Variants in CPSF3 observed in about 807,000 individuals in gnomAD.
CPSF3 encodes cleavage and polyadenylation specific factor 3, also known as cleavage and polyadenylation specificity factor subunit 3.
A neutral mutation model predicts 84.1 loss-of-function variants in CPSF3; 57 were observed. The observed-to-expected ratio is 0.68, with a 90% CI of 0.55 to 0.85. The LOEUF (loss-of-function observed/expected upper bound fraction) is 0.85, where lower values mean the gene tolerates loss of function less well. CPSF3 is among the 40% of genes least tolerant of loss of function. The pLI is 0.00. For synonymous variants in CPSF3, 275 were observed against 278.1 expected (o/e 0.99, Z 0.11); for missense variants, 522 against 838.8 (o/e 0.62, Z 4.66).
chr2:9,432,729 G>C, intron 5 of CPSF3, 41 bp downstream of exon 5: 1 of 1,427,058 alleles, frequency 7.0e-7, no homozygotes, highest in Middle Eastern at 2.0e-4. Context: ...AGAGAAATCA[G>C]TACAGAGCTT....
chr2:9,444,158 A>ATTT lies in CPSF3; in HGVS notation c.1242+509_1242+511dup, dbSNP rs869193869. 2.3e-3 allele frequency among the ~76,000 whole-genome samples: 281 copies of ATTT among 123,158 alleles called. 3 individuals are homozygous for ATTT. Among genetic ancestry groups the ATTT allele is most frequent in the African/African-American group, 0.01 (271 of 26,422 alleles). 80.8% of individuals were successfully genotyped at this position (123,158 alleles called of 152,430 possible). A position where few individuals can be genotyped will look rare whatever the true frequency, so the allele number is the denominator to read the frequency against. The stretch of plus-strand genomic sequence containing the variant: ...ATATATATTATATATATATATATAT[A>ATTT]TTTTTTTTTTTTTTGAGGCGGAGTC... On this transcript the variant is annotated intron_variant, in intron 10 of 17. Coordinates refer to ENST00000238112, the MANE Select transcript of CPSF3 (RefSeq NM_016207.4).
At position 9,466,394 on chromosome 2, in the gene CPSF3, A is replaced by G. The variant is rs541583214; in HGVS notation, c.1787-1313A>G. ...CACCCACGCACTCGCACACACGCGC[A>G]CACACACGCACGCGCACACACGCAC... On this transcript the variant is annotated intron_variant, in intron 15 of 17. Coordinates refer to ENST00000238112, the MANE Select transcript of CPSF3 (RefSeq NM_016207.4). 9.7e-3 allele frequency among the ~76,000 whole-genome samples: 1,413 copies of G among 145,680 alleles called. 11 individuals are homozygous for G. The highest frequency in any genetic ancestry group is 0.044 in the Middle Eastern group (12 of 274).
rs1488462263 is a variant in CPSF3, at chr2:9,440,543, A to C, written c.813A>C (p.Ala271=). The part of the protein sequence containing the change: ...PELHDIPIYY[A]SSLAKKCMAV... ...TACATGACATTCCAATATACTATGC[A>C]TCATCTTTGGCCAAGAAGTGTATGG... Residue 271 remains alanine (A), a synonymous_variant, in exon 8 of 18, where the codon GCA becomes GCC. Coordinates refer to ENST00000238112, the MANE Select transcript of CPSF3 (RefSeq NM_016207.4). 6.2e-7 allele frequency: 1 copy of C among 1,614,212 alleles called. No individual in the cohort carries two copies. Among genetic ancestry groups the C allele is most frequent in the Non-Finnish European group, 8.5e-7 (1 of 1,180,042 alleles).
chr2:9,443,589 C>T lies in CPSF3; in HGVS notation c.1170C>T (p.Tyr390=). The T allele has an allele frequency of 6.2e-7, 1 of 1,614,140 alleles. No individual in the cohort carries two copies. Among genetic ancestry groups the T allele is most frequent in the Non-Finnish European group, 8.5e-7 (1 of 1,179,982 alleles). Reference sequence around the variant, plus strand: ...TACCACTGAAAATGTCTGTTGATTACATTTCTTTCTCAGCTCACACGGATT... The same window carrying T: ...TACCACTGAAAATGTCTGTTGATTATATTTCTTTCTCAGCTCACACGGATT... ...QKLPLKMSVD[Y]ISFSAHTDYQ... is the part of the protein sequence containing the mutation. Residue 390 remains tyrosine (Y), a synonymous_variant, in exon 10 of 18, where the codon TAC becomes TAT. Coordinates refer to ENST00000238112, the MANE Select transcript of CPSF3 (RefSeq NM_016207.4).
Position 9,429,340 on chromosome 2 carries a change from T to C in CPSF3, c.114+512T>C, listed in dbSNP as rs984272191. 2.4e-4 allele frequency among the ~76,000 whole-genome samples: 36 copies of C among 152,364 alleles called. 1 individual carries two copies. Among genetic ancestry groups the C allele is most frequent in the African/African-American group, 6.7e-4 (28 of 41,582 alleles). On this transcript the variant is annotated intron_variant, in intron 2 of 17. Transcript: ENST00000238112. ...CTCATTAGAAAGTCAGTTCTGTGTC[T>C]CAGATTCCTTTGATTCCTCTTTCTT...
Position 9,453,011 on chromosome 2 carries a change from C to A in CPSF3, c.1494C>A (p.Cys498Ter). 6.3e-7 allele frequency: 1 copy of A among 1,593,652 alleles called. No individual in the cohort carries two copies. ...RNFNYHILSP[C>*]DLSNYTDLAM... ...TTAATTATCACATACTTTCTCCTTG[C>A]GACCTGTCCAGTAAGTATACTATTA... The change falls in exon 12 of 18, where the codon TGC (cysteine) becomes TGA (stop). Residue 498 changes from cysteine to a stop codon, truncating the protein, a stop_gained. Transcript: ENST00000238112. LOFTEE classifies it high-confidence loss of function.
chr2:9,431,739 C>T (rs745543695), intron 4 of CPSF3, among the ~76,000 whole-genome samples: 23 of 151,298 alleles, frequency 1.5e-4, no homozygotes, highest in African/African-American at 9.7e-5. Context: ...TTAGTAGAGA[C>T]GGGGTTTTAC....
At position 9,432,746 on chromosome 2, in the gene CPSF3, A is replaced by G. The variant is rs906334208; in HGVS notation, c.519+58A>G. ...AGAAATCAGTACAGAGCTTTGTGCC[A>G]CCAAGTACTATTAAAAAAAAAAATT... On this transcript the variant is annotated intron_variant, in intron 5 of 17. Coordinates refer to ENST00000238112, the MANE Select transcript of CPSF3 (RefSeq NM_016207.4). 53 of 1,340,392 alleles carry G rather than the reference A, an allele frequency of 4.0e-5. No individual in the cohort carries two copies. The African/African-American group carries it at 6.9e-4, about 18-fold the overall frequency. 83.0% of individuals were successfully genotyped at this position (1,340,392 alleles called of 1,614,324 possible).
intron 15 of CPSF3, among the ~76,000 whole-genome samples, chr2:9,463,161 A>G (rs1181434395): frequency 3.9e-5 from 6 of 152,222 alleles, no homozygotes; most frequent in Non-Finnish European, 8.8e-5. Flanking sequence ...GGCAGATCCC[A>G]TAGGGTCTTG....
chr2:9,431,821 G>A (rs1049020465), intron 4 of CPSF3, among the ~76,000 whole-genome samples: 3 of 152,046 alleles, frequency 2.0e-5, no homozygotes, highest in Admixed American at 6.6e-5. Flanking sequence ...AGAGTGCTGG[G>A]ATTACAGGGT....
rs1284747586 is a variant in CPSF3 at position 9,439,900 on chromosome 2, A to G, written c.761-591A>G. 2.6e-5 allele frequency among the ~76,000 whole-genome samples: 4 copies of G among 152,114 alleles called. No individual in the cohort carries two copies. In the East Asian group the frequency reaches 7.7e-4, roughly 29 times the overall value. On this transcript the variant is annotated intron_variant, in intron 7 of 17. Transcript: ENST00000238112. ...AGGCTGAGGTGGAAGGATCACTTGA[A>G]CCTGAGAGGTTGAGGCTGCCATGAG...
At position 9,457,017 on chromosome 2, in the gene CPSF3, T is replaced by C. The variant is rs1371257236; in HGVS notation, c.1688T>C (p.Val563Ala). The C allele has an allele frequency of 6.3e-7, 1 of 1,586,474 alleles. No homozygotes were observed. Among genetic ancestry groups the C allele is most frequent in the Admixed American group, 1.8e-5 (1 of 57,082 alleles). ...ACTGTAATACAAGAACCAGGCATGG[T>C]GGTATTAGAAGTAAGAAAAGATCAT... The part of the protein sequence containing the change: ...NITVIQEPGM[V>A]VLEWLANPSN... Residue 563 changes from valine to alanine, a missense_variant, in exon 14 of 18, where the codon GTG becomes GCG. Coordinates refer to ENST00000238112, the MANE Select transcript of CPSF3 (RefSeq NM_016207.4).
intron 15 of CPSF3, among the ~76,000 whole-genome samples, chr2:9,461,289 G>T (rs146320477): frequency 3.3e-5 from 5 of 152,166 alleles, no homozygotes; most frequent in African/African-American, 9.7e-5. Context: ...GAAGAATGCC[G>T]CAAGATTCTT....
At chr2:9,448,067 A>ACT in intron 10 of CPSF3, 131 bp from the exon 11 acceptor site, 1 of 503,524 alleles carries the variant, frequency 2.0e-6, no homozygotes, top group Non-Finnish European at 3.4e-6. Flanking sequence ...TAAAAGTAGT[A>ACT]AAGTTTCATA....
At position 9,423,685 on chromosome 2, in the gene CPSF3, C is replaced by T; in HGVS notation, c.-89C>T. 6.6e-7 allele frequency: 1 copy of T among 1,526,104 alleles called. No individual in the cohort carries two copies. Among genetic ancestry groups the T allele is most frequent in the Non-Finnish European group, 8.9e-7 (1 of 1,121,224 alleles). 94.5% of individuals were successfully genotyped at this position (1,526,104 alleles called of 1,614,324 possible). On this transcript the variant is annotated 5_prime_UTR_variant, in exon 1 of 18. Transcript: ENST00000238112. The stretch of plus-strand genomic sequence containing the variant: ...TGTGCTCTTGGTGAATGGGGTTCTT[C>T]CTTTTTTATTTACCGGTGGCTGTGC...
At chr2:9,436,044 A>G (rs988700343) in intron 6 of CPSF3, among the ~76,000 whole-genome samples, 167 bp from the exon 7 acceptor site, 3 of 152,132 alleles carry the variant, frequency 2.0e-5, no homozygotes, top group Admixed American at 2.0e-4. Context: ...GAATTCTAGC[A>G]TTCTTGCTTG....
chr2:9,440,123 CAG>C (rs747630034), intron 7 of CPSF3, among the ~76,000 whole-genome samples: 10 of 151,954 alleles, frequency 6.6e-5, no homozygotes, highest in Non-Finnish European at 1.5e-4. Context: ...AAAACCATCA[CAG>C]AATTTTTTCT....
At chr2:9,450,556 G>C (rs942838558) in intron 11 of CPSF3, among the ~76,000 whole-genome samples, 3 of 152,264 alleles carry the variant, frequency 2.0e-5, no homozygotes, top group African/African-American at 7.2e-5. Flanking sequence ...GGGAGGCTGA[G>C]GCGGACAAAT....
chr2:9,440,768 C>T, intron 8 of CPSF3, 102 bp downstream of exon 8: 1 of 1,203,184 alleles, frequency 8.3e-7, no homozygotes, highest in Non-Finnish European at 1.2e-6. Flanking sequence ...TGTAATTTAG[C>T]ACTTTGGGAG....
Sources: gnomAD v4.1 joint callset for allele counts (sites outside exome capture counted in the v4.1 genomes callset) on GRCh38, gnomAD v4.1.1 for gene constraint, MANE v1.5 for transcripts, NCBI Gene and HGNC (gene_info 2026-07-23, HGNC 2026-07-21) for gene names.